ADCY2: variants seen among roughly 807,000 people sequenced by gnomAD.
The protein encoded by ADCY2 is adenylate cyclase type 2.
Under a neutral mutation model 125.2 loss-of-function variants are expected in ADCY2, and 31 were observed. The ratio of observed to expected loss-of-function variants is 0.25; its 90% CI spans 0.19 to 0.33. The LOEUF (loss-of-function observed/expected upper bound fraction) is 0.33, where lower values mean the gene tolerates loss of function less well. ADCY2 is among the 10% of genes least tolerant of loss of function. The probability of loss-of-function intolerance (pLI) is 1.00; values close to 1 mark genes in which losing one functional copy is unlikely to be tolerated. For missense variants in ADCY2, 904 were observed against 1,418.2 expected, an observed-to-expected ratio of 0.64 and a Z score of 5.82; for synonymous variants, 512 against 548.4, an observed-to-expected ratio of 0.93 and a Z score of 0.93.
At chr5:7,766,368 G>T (rs1286474886) in intron 16 of ADCY2, among the ~76,000 whole-genome samples, 1 of 152,192 alleles carries the variant, frequency 6.6e-6, no homozygotes, top group East Asian at 1.9e-4. Flanking sequence ...TATATATGGT[G>T]ATATTGGCTT....
At chr5:7,703,884 A>T (rs1561177154) in intron 7 of ADCY2, among the ~76,000 whole-genome samples, 1 of 151,886 alleles carries the variant, frequency 6.6e-6, no homozygotes, top group Non-Finnish European at 1.5e-5. Context: ...CACGCCTGTA[A>T]CTTTAGCTAC....
At chr5:7,467,339 C>T (rs1742159695) in intron 2 of ADCY2, among the ~76,000 whole-genome samples, 1 of 152,238 alleles carries the variant, frequency 6.6e-6, no homozygotes, top group South Asian at 2.1e-4. Flanking sequence ...TTCTCCTACA[C>T]TTCCAGGCAA....
intron 2 of ADCY2, among the ~76,000 whole-genome samples, chr5:7,454,019 G>A (rs1002360461): frequency 6.6e-5 from 10 of 152,124 alleles, no homozygotes; most frequent in Non-Finnish European, 1.5e-4. Context: ...CTTTTCCCTG[G>A]TGCTGGCTGC....
At chr5:7,490,973 A>T (rs971801267) in intron 2 of ADCY2, among the ~76,000 whole-genome samples, 2 of 152,224 alleles carry the variant, frequency 1.3e-5, no homozygotes, top group Non-Finnish European at 2.9e-5. Flanking sequence ...GAGGGAAAGG[A>T]TGATGCTATT....
intron 15 of ADCY2, among the ~76,000 whole-genome samples, chr5:7,747,165 G>C (rs1337443062): frequency 6.6e-6 from 1 of 152,246 alleles, no homozygotes; most frequent in Admixed American, 6.5e-5. Flanking sequence ...CTGGCTCCCT[G>C]CTACCCCCAC....
At chr5:7,608,222 A>G (rs1348264522) in intron 3 of ADCY2, among the ~76,000 whole-genome samples, 1 of 152,206 alleles carries the variant, frequency 6.6e-6, no homozygotes, top group Non-Finnish European at 1.5e-5. Flanking sequence ...TCTCTATAGT[A>G]AGAAACCACC....
At chr5:7,792,864 G>T (rs928578936) in intron 20 of ADCY2, among the ~76,000 whole-genome samples, 3 of 152,324 alleles carry the variant, frequency 2.0e-5, no homozygotes, top group African/African-American at 7.2e-5. Context: ...CCAGTTGCTG[G>T]AGGCAGGCTG....
intron 1 of ADCY2, among the ~76,000 whole-genome samples, chr5:7,413,691 T>C (rs1006256880): frequency 2.0e-5 from 3 of 151,668 alleles, no homozygotes; most frequent in African/African-American, 7.3e-5. Context: ...TTCTGTTCCA[T>C]AGTAAACGCT....
At chr5:7,609,943 G>T (rs1737514796) in intron 3 of ADCY2, among the ~76,000 whole-genome samples, 1 of 152,176 alleles carries the variant, frequency 6.6e-6, no homozygotes, top group Non-Finnish European at 1.5e-5. Context: ...ATGTGTGCAA[G>T]GGCTTGAGCC....
chr5:7,626,386 T>C (rs1309554024), intron 4 of ADCY2, 70 bp downstream of exon 4: 4 of 1,519,842 alleles, frequency 2.6e-6, no homozygotes, highest in Non-Finnish European at 8.9e-7. Context: ...ACTATTAATG[T>C]TGAGTGTCGT....
intron 22 of ADCY2, among the ~76,000 whole-genome samples, chr5:7,805,469 A>G (rs1484361633): frequency 6.6e-6 from 1 of 152,084 alleles, no homozygotes; most frequent in Non-Finnish European, 1.5e-5. Flanking sequence ...AGAGAGAGAG[A>G]GAGAGAGACA....
At chr5:7,820,809 T>G (rs564708854) in intron 24 of ADCY2, 120 bp downstream of exon 24, 1 of 1,271,656 alleles carries the variant, frequency 7.9e-7, no homozygotes, top group Non-Finnish European at 1.0e-6. Flanking sequence ...AACCTTGAAA[T>G]TTACTTATCT....
chr5:7,493,034 C>T (rs1743220969), intron 2 of ADCY2, among the ~76,000 whole-genome samples: 1 of 152,076 alleles, frequency 6.6e-6, no homozygotes, highest in Non-Finnish European at 1.5e-5. Flanking sequence ...AAGAGTGTGG[C>T]TGTGGGGAGA....
intron 2 of ADCY2, among the ~76,000 whole-genome samples, chr5:7,458,353 A>T (rs1177424923): frequency 6.6e-6 from 1 of 152,256 alleles, no homozygotes; most frequent in African/African-American, 2.4e-5. Flanking sequence ...AGAGTAATGT[A>T]TAATGAGGAA....
intron 3 of ADCY2, among the ~76,000 whole-genome samples, chr5:7,581,819 C>CAAAAAAAAAAAAAAAAAA (rs59841590): frequency 1.6e-5 from 2 of 123,790 alleles, no homozygotes; most frequent in Non-Finnish European, 1.7e-5. Context: ...GACTCAGTCT[C>CAAAAAAAAAAAAAAAAAA]AAAAAAAAAA....
chr5:7,572,307 G>A (rs1736092083), intron 3 of ADCY2, among the ~76,000 whole-genome samples: 1 of 152,224 alleles, frequency 6.6e-6, no homozygotes, highest in East Asian at 1.9e-4. Flanking sequence ...AAACTTGCCA[G>A]CATCTGTTAC....
chr5:7,483,836 T>G (rs1156725925), intron 2 of ADCY2, among the ~76,000 whole-genome samples: 1 of 152,244 alleles, frequency 6.6e-6, no homozygotes, highest in Non-Finnish European at 1.5e-5. Flanking sequence ...GATTCAGTTG[T>G]CTTTTACTCT....
chr5:7,531,418 A>G (rs1734636049), intron 3 of ADCY2, among the ~76,000 whole-genome samples: 1 of 152,194 alleles, frequency 6.6e-6, no homozygotes, highest in African/African-American at 2.4e-5. Flanking sequence ...CACCCCCCAG[A>G]TGAGAAACGG....
Position 7,826,945 on chromosome 5 carries a change from T to G in ADCY2, c.*74T>G. The stretch of plus-strand genomic sequence containing the variant: ...ACACACTTTCTGACTGCAACTTCTG[T>G]CCCTTGTTTTTGATGTGCGTGCTGT... On this transcript the variant is annotated 3_prime_UTR_variant, in exon 25 of 25. Coordinates refer to ENST00000338316, the MANE Select transcript of ADCY2 (RefSeq NM_020546.3). The G allele has an allele frequency of 6.5e-7, 1 of 1,527,750 alleles. No homozygotes were observed. The highest frequency in any genetic ancestry group is 8.8e-7 in the Non-Finnish European group (1 of 1,136,030). 94.6% of individuals were successfully genotyped at this position (1,527,750 alleles called of 1,614,324 possible).
Sources: gnomAD v4.1 joint callset for allele counts (sites outside exome capture counted in the v4.1 genomes callset) on GRCh38, gnomAD v4.1.1 for gene constraint, MANE v1.5 for transcripts, NCBI Gene and HGNC (gene_info 2026-07-23, HGNC 2026-07-21) for gene names.